The following IQCN variants were observed in gnomAD, a reference collection of about 807,000 sequenced individuals.
The protein encoded by IQCN is IQ motif containing N.
In IQCN, 46 loss-of-function variants were observed where a neutral mutation model predicts 64.4. The ratio of observed to expected loss-of-function variants is 0.71; its 90% CI spans 0.56 to 0.91. The LOEUF (loss-of-function observed/expected upper bound fraction) is 0.91, where lower values mean the gene tolerates loss of function less well. IQCN is among the 40% of genes least tolerant of loss of function. The pLI is 0.00. For synonymous variants in IQCN, 733 were observed against 775.6 expected, an observed-to-expected ratio of 0.95 and a Z score of 0.91; for missense variants, 1,753 against 1,857.4, an observed-to-expected ratio of 0.94 and a Z score of 1.03.
At chr19:18,261,074 C>G (rs1020147875) in intron 3 of IQCN, 3 of 151,826 alleles carry the variant, frequency 2.0e-5, no homozygotes, top group African/African-American at 7.3e-5. Flanking sequence ...TAGGGGACAT[C>G]CTGCTGGTTA....
Position 18,269,594 on chromosome 19 carries a change from C to A in IQCN, c.-109-7G>T. The A allele has an allele frequency of 1.3e-6, 1 of 789,282 alleles. No homozygotes were observed. The highest frequency in any genetic ancestry group is 2.3e-5 in the South Asian group (1 of 43,618). 48.9% of individuals were successfully genotyped at this position (789,282 alleles called of 1,614,324 possible). A position where few individuals can be genotyped will look rare whatever the true frequency, so the allele number is the denominator to read the frequency against. On this transcript the variant is annotated splice_polypyrimidine_tract_variant and splice_region_variant and intron_variant, in intron 1 of 3. Transcript: ENST00000392413. ...GCAGCAACACTGCCCTGGGCTGGCT[C>A]AAGACCAACACAAAAAGAAATGTTA...
chr19:18,259,830 C>T (rs1341006397), intron 3 of IQCN: 2 of 152,326 alleles, frequency 1.3e-5, no homozygotes, highest in African/African-American at 4.8e-5. Context: ...CAGAGAGGGG[C>T]TGGGGGCCAT....
chr19:18,258,367 C>G, intron 3 of IQCN: 1 of 682,666 alleles, frequency 1.5e-6, no homozygotes. Flanking sequence ...CCACTTCGGG[C>G]TGAGGCCTGG....
chr19:18,264,775 G>C lies in IQCN; in HGVS notation c.2765C>G (p.Ala922Gly), dbSNP rs1187822122. 3.2e-6 allele frequency: 5 copies of C among 1,551,376 alleles called. No individual in the cohort carries two copies. In the East Asian group the frequency reaches 1.2e-4, roughly 38 times the overall value. Residue 922 changes from alanine to glycine, a missense_variant, in exon 3 of 4, where the codon GCC (alanine) becomes GGC (glycine). By Grantham distance (60) the Ala-to-Gly change is moderately conservative (BLOSUM62 0). Transcript: ENST00000392413. The surrounding 1 kb of genome is among the most constrained non-coding windows in gnomAD (Gnocchi z 4.3). ...CTGGGGCAGGGCTTTGGTGACAGTG[G>C]CACCCAGGACCTCCTTGGACAGGGC... Reference protein sequence around the residue: ...NQALSKEVLGATVTKALPQSM... With the variant: ...NQALSKEVLGGTVTKALPQSM...
rs371797461 is a variant in IQCN, at chr19:18,257,866, C to T, written c.3418G>A (p.Ala1140Thr). The change falls in exon 4 of 4, where the codon GCC (alanine) becomes ACC (threonine). Residue 1140 changes from alanine (A) to threonine (T), a missense_variant. By Grantham distance (58) the Ala-to-Thr change is moderately conservative. Transcript: ENST00000392413. ...RRRIRLWHRG[A>T]MVIQATWRGY... The stretch of plus-strand genomic sequence containing the variant: ...CGCCAAGTAGCTTGGATGACCATGG[C>T]CCCCCGGTGCCACAGCCGGATCCTG... The T allele has an allele frequency of 4.3e-6, 7 of 1,611,716 alleles. No individual in the cohort carries two copies. In the African/African-American group the frequency reaches 6.7e-5, roughly 15 times the overall value.
intron 3 of IQCN, 116 bp from the exon 4 acceptor site, chr19:18,258,222 C>G (rs762861061): frequency 1.3e-5 from 15 of 1,144,834 alleles, no homozygotes; most frequent in African/African-American, 3.1e-5. Flanking sequence ...CAGGGAACCA[C>G]TTGGGGAAGA....
intron 3 of IQCN, among the ~76,000 whole-genome samples, chr19:18,263,873 C>A (rs989083068): frequency 1.3e-5 from 2 of 152,184 alleles, no homozygotes; most frequent in Admixed American, 6.5e-5. Context: ...AAGAGGCCAC[C>A]CTGCTGACCA....
In IQCN at chr19:18,258,308, G is replaced by A. The variant is rs1419041895; in HGVS notation, c.3178-202C>T. On this transcript the variant is annotated intron_variant, in intron 3 of 3. Transcript: ENST00000392413. Reference sequence around the variant, plus strand: ...CCGAGGAGTGTGTCATCTCCCCAGTGCGGATGACGGGCCTTACCTCTGCAG... The same window carrying A: ...CCGAGGAGTGTGTCATCTCCCCAGTACGGATGACGGGCCTTACCTCTGCAG... The A allele has an allele frequency of 1.3e-5, 9 of 716,904 alleles. No homozygotes were observed. In the East Asian group the frequency reaches 2.1e-4, roughly 17 times the overall value. The allele number at this position is 716,904 out of a possible 1,614,324, so 44.4% of individuals were successfully genotyped here.
At chr19:18,274,197 G>A (rs1457030789) in intron 1 of IQCN, among the ~76,000 whole-genome samples, 2 of 152,260 alleles carry the variant, frequency 1.3e-5, no homozygotes, top group African/African-American at 4.8e-5. Flanking sequence ...GGTCCCTAGA[G>A]CCCCTGCTGT....
At position 18,264,509 on chromosome 19, in the gene IQCN, T is replaced by A. The variant is rs969773240; in HGVS notation, c.3031A>T (p.Thr1011Ser). The change falls in exon 3 of 4, where the codon ACT becomes TCT. Residue 1011 changes from threonine to serine, a missense_variant. Thr to Ser is a moderately conservative substitution (Grantham distance 58). Coordinates refer to ENST00000392413, the MANE Select transcript of IQCN (RefSeq NM_001145304.2). The surrounding 1 kb of genome is among the most constrained non-coding windows in gnomAD (Gnocchi z 4.3). ...SQSWCRVALR[T>S]GTILPKAASK... is the part of the protein sequence containing the mutation. ...GCGGCCTTGGGGAGGATGGTTCCAG[T>A]CCTCAGGGCCACCCGACACCAAGAC... 5 of 1,551,164 alleles carry A rather than the reference T, an allele frequency of 3.2e-6. No homozygotes were observed. The African/African-American group carries it at 6.8e-5, about 21-fold the overall frequency.
At chr19:18,267,699 TC>T in intron 2 of IQCN, 173 bp from the exon 3 acceptor site, 1 of 692,100 alleles carries the variant, frequency 1.4e-6, no homozygotes, top group Non-Finnish European at 2.2e-6. Context: ...CATCCTTATA[TC>T]CACCTCTCAT....
rs1439930583 is a variant in IQCN, at chr19:18,266,353, G to A, written c.1187C>T (p.Pro396Leu). 1.9e-6 allele frequency: 3 copies of A among 1,612,578 alleles called. No individual in the cohort carries two copies. In the South Asian group the frequency reaches 3.3e-5, roughly 18 times the overall value. The change falls in exon 3 of 4, where the codon CCC becomes CTC. Residue 396 changes from proline (P) to leucine (L), a missense_variant. Transcript: ENST00000392413. The surrounding 1 kb of genome is among the most constrained non-coding windows in gnomAD (Gnocchi z 4.3). ...TVTKTAPHTC[P>L]MPTMTKIQVH... ...CTGGATCTTGGTCATTGTGGGCATG[G>A]GGCATGTGTGAGGTGCAGTTTTGGT...
chr19:18,269,982 C>G (rs763038823), intron 1 of IQCN, among the ~76,000 whole-genome samples: 75 of 142,576 alleles, frequency 5.3e-4, no homozygotes, highest in Non-Finnish European at 5.7e-4. Context: ...TTTGGGAGGC[C>G]AAGATGGGAG....
At chr19:18,273,546 G>A (rs756450063) in intron 1 of IQCN, among the ~76,000 whole-genome samples, 5 of 151,872 alleles carry the variant, frequency 3.3e-5, no homozygotes, top group Non-Finnish European at 7.4e-5. Flanking sequence ...TGGTCAGGCT[G>A]GTCTTGAACT....
At position 18,264,235 on chromosome 19, in the gene IQCN, C is replaced by T. The variant is rs1250720763; in HGVS notation, c.3177+128G>A. The stretch of plus-strand genomic sequence containing the variant: ...ATGACGCTACCCATCACCGAGGCTC[C>T]CACAGTGACCACAGATAAGCAGGGT... On this transcript the variant is annotated intron_variant, in intron 3 of 3. Transcript: ENST00000392413. The surrounding 1 kb of genome is among the most constrained non-coding windows in gnomAD (Gnocchi z 4.3). 3.7e-6 allele frequency: 3 copies of T among 815,744 alleles called. No individual in the cohort carries two copies. In the African/African-American group the frequency reaches 5.2e-5, roughly 14 times the overall value. The allele number at this position is 815,744 out of a possible 1,614,324, so 50.5% of individuals were successfully genotyped here. A position where few individuals can be genotyped will look rare whatever the true frequency, so the allele number is the denominator to read the frequency against.
intron 1 of IQCN, among the ~76,000 whole-genome samples, chr19:18,271,965 C>T (rs1969742644): frequency 6.6e-6 from 1 of 151,582 alleles, no homozygotes; most frequent in Non-Finnish European, 1.5e-5. Context: ...ATGAATCCCA[C>T]CACACCCAGC....
intron 3 of IQCN, chr19:18,258,318 G>A: frequency 2.8e-6 from 2 of 707,388 alleles, no homozygotes; most frequent in Non-Finnish European, 2.6e-6. Context: ...GCGGATGACG[G>A]GCCTTACCTC....
Position 18,266,457 on chromosome 19 carries a change from G to A in IQCN, c.1083C>T (p.Thr361=), listed in dbSNP as rs1357647585. The change falls in exon 3 of 4, where the codon ACC becomes ACT. Residue 361 remains threonine, a synonymous_variant. Coordinates refer to ENST00000392413, the MANE Select transcript of IQCN (RefSeq NM_001145304.2). This position sits in a 1 kb window ranked among gnomAD's most constrained non-coding sequence, Gnocchi z 4.3. ...PQTYPASTMT[T]TPPKTSPVPK... ...GAACTGGGCTAGTCTTGGGTGGGGTGGTGGTCATCGTGGACGCTGGATATG... is the reference window on the plus strand; with the variant it reads ...GAACTGGGCTAGTCTTGGGTGGGGTAGTGGTCATCGTGGACGCTGGATATG... 2 of 1,584,778 alleles carry A rather than the reference G, an allele frequency of 1.3e-6. No homozygotes were observed. Among genetic ancestry groups the A allele is most frequent in the Admixed American group, 3.6e-5 (2 of 55,854 alleles).
chr19:18,268,432 G>C (rs980519253), intron 2 of IQCN, among the ~76,000 whole-genome samples: 2 of 152,108 alleles, frequency 1.3e-5, no homozygotes, highest in Non-Finnish European at 2.9e-5. Flanking sequence ...TACAGGACTA[G>C]ATACTGAATG....
Sources: allele counts gnomAD v4.1 joint callset (sites outside exome capture counted in the v4.1 genomes callset), GRCh38; gene constraint gnomAD v4.1.1; non-coding constraint Gnocchi (gnomAD v3.1); transcripts MANE v1.5; gene names NCBI Gene and HGNC (gene_info 2026-07-23, HGNC 2026-07-21).